The following OGFOD1 variants were observed in gnomAD, a reference collection of about 807,000 sequenced individuals.
OGFOD1 encodes the protein prolyl 3-hydroxylase OGFOD1.
Under a neutral mutation model 67.7 loss-of-function variants are expected in OGFOD1, and 54 were observed. The ratio of observed to expected loss-of-function variants is 0.80; its 90% CI spans 0.64 to 1.00. OGFOD1 has a LOEUF of 1.00. OGFOD1 is among the 50% of genes least tolerant of loss of function. OGFOD1 has a pLI of 0.00. For missense variants in OGFOD1, 606 were observed against 646.7 expected (o/e 0.94, Z 0.68); for synonymous variants, 221 against 227.0 (o/e 0.97, Z 0.24).
At chr16:56,467,100 T>A (rs750756283) in intron 6 of OGFOD1, 65 bp from the exon 7 acceptor site, 1 of 1,606,836 alleles carries the variant, frequency 6.2e-7, no homozygotes, top group Admixed American at 1.7e-5. Flanking sequence ...ACCCTGAAAT[T>A]AATGTGCATT....
intron 10 of OGFOD1, among the ~76,000 whole-genome samples, chr16:56,472,598 T>A (rs1215209246): frequency 6.6e-6 from 1 of 152,032 alleles, no homozygotes; most frequent in East Asian, 1.9e-4. Flanking sequence ...AAGATGATTT[T>A]AAAAAATAAA....
rs1212416982 is a variant in OGFOD1, at chr16:56,452,421, C to T, written c.154+655C>T. ...ACGCGCTTTGACCAAGGAAAGGCGCCTACGTTGAACGATTCCAGCCTCAGC... is the reference window on the plus strand; with the variant it reads ...ACGCGCTTTGACCAAGGAAAGGCGCTTACGTTGAACGATTCCAGCCTCAGC... On this transcript the variant is annotated intron_variant, in intron 1 of 12. Coordinates refer to ENST00000566157, the MANE Select transcript of OGFOD1 (RefSeq NM_018233.4). Among the ~76,000 whole-genome samples, 7 of 152,302 alleles carry T rather than the reference C, an allele frequency of 4.6e-5. No homozygotes were observed. The East Asian group carries it at 1.4e-3, about 29-fold the overall frequency.
At position 56,475,588 on chromosome 16, in the gene OGFOD1, C is replaced by CT. The variant is rs1463568750; in HGVS notation, c.1467+24dup. On this transcript the variant is annotated intron_variant, in intron 12 of 12. Transcript: ENST00000566157. Reference sequence around the variant, plus strand: ...GAGGTAAGTTTCTTCTGATAGCAAACTATCATTTTTAGTTATTGAGAATGC... The same window carrying CT: ...GAGGTAAGTTTCTTCTGATAGCAAACTTATCATTTTTAGTTATTGAGAATGC... 3.7e-6 allele frequency: 6 copies of CT among 1,607,254 alleles called. No homozygotes were observed. In the African/African-American group the frequency reaches 8.0e-5, roughly 21 times the overall value.
chr16:56,463,067 C>G (rs1962768672), intron 4 of OGFOD1, among the ~76,000 whole-genome samples: 1 of 152,168 alleles, frequency 6.6e-6, no homozygotes, highest in South Asian at 2.1e-4. Context: ...ATGGTGTAAA[C>G]CATGATAGCC....
chr16:56,470,554 T>C lies in OGFOD1; in HGVS notation c.1048T>C (p.Ser350Pro), dbSNP rs752306603. Residue 350 changes from serine (S) to proline (P), a missense_variant, in exon 10 of 13, where the codon TCT (serine) becomes CCT (proline). Physicochemically the swap from Ser to Pro is moderately conservative, Grantham distance 74. Transcript: ENST00000566157. Reference protein sequence around the residue: ...ILKECMKLFRSEALFLLLSNF... With the variant: ...ILKECMKLFRPEALFLLLSNF... Reference sequence around the variant, plus strand: ...GAAGGAGTGCATGAAGTTATTTCGCTCTGAGGCACTATTCTTGCTGCTCTC... The same window carrying C: ...GAAGGAGTGCATGAAGTTATTTCGCCCTGAGGCACTATTCTTGCTGCTCTC... 17 of 1,614,066 alleles carry C rather than the reference T, an allele frequency of 1.1e-5. No individual in the cohort carries two copies. The highest frequency in any genetic ancestry group is 7.6e-6 in the Non-Finnish European group (9 of 1,180,018).
intron 3 of OGFOD1, chr16:56,458,929 G>A (rs1004562164): frequency 3.4e-6 from 1 of 296,750 alleles, no homozygotes; most frequent in Non-Finnish European, 6.4e-6. Context: ...AGTGTTGACA[G>A]ATATAGATAG....
In OGFOD1 at chr16:56,476,106, G is replaced by A. The variant is rs1963462359; in HGVS notation, c.1530G>A (p.Leu510=). Residue 510 remains leucine (L), a synonymous_variant, in exon 13 of 13, where the codon CTG becomes CTA. Coordinates refer to ENST00000566157, the MANE Select transcript of OGFOD1 (RefSeq NM_018233.4). ...TGGTCTACAGAGACAGAGAGACTCTGAAATTTGTCAAGCATATTAACCACC... is the reference window on the plus strand; with the variant it reads ...TGGTCTACAGAGACAGAGAGACTCTAAAATTTGTCAAGCATATTAACCACC... ...LALVYRDRET[L]KFVKHINHRS... The A allele has an allele frequency of 1.2e-6, 2 of 1,613,944 alleles. No homozygotes were observed. The highest frequency in any genetic ancestry group is 8.5e-7 in the Non-Finnish European group (1 of 1,179,844).
rs1173152959 is a variant in OGFOD1, at chr16:56,478,743, G to T, written c.*2538G>T. 1.3e-5 allele frequency: 2 copies of T among 152,158 alleles called. No homozygotes were observed. The highest frequency in any genetic ancestry group is 4.8e-5 in the African/African-American group (2 of 41,438). 9.4% of individuals were successfully genotyped at this position (152,158 alleles called of 1,614,324 possible). A position where few individuals can be genotyped will look rare whatever the true frequency, so the allele number is the denominator to read the frequency against. ...GCTTTTTAGTGTCTCCTTTATCTCA[G>T]TGTGTTTATGATCTGTCAACACATA... On this transcript the variant is annotated 3_prime_UTR_variant, in exon 13 of 13. Coordinates refer to ENST00000566157, the MANE Select transcript of OGFOD1 (RefSeq NM_018233.4).
chr16:56,465,296 G>A (rs964536487), intron 4 of OGFOD1, among the ~76,000 whole-genome samples: 4 of 152,048 alleles, frequency 2.6e-5, no homozygotes, highest in Non-Finnish European at 4.4e-5. Flanking sequence ...CACCGTGCCC[G>A]GCCTGTATTT....
chr16:56,474,585 G>A (rs971822611), intron 10 of OGFOD1, among the ~76,000 whole-genome samples: 4 of 152,020 alleles, frequency 2.6e-5, no homozygotes, highest in African/African-American at 9.7e-5. Context: ...CTCCCAAAGT[G>A]TTGGGATTAC....
At chr16:56,460,168 C>T (rs2143988144) in intron 3 of OGFOD1, among the ~76,000 whole-genome samples, 1 of 152,314 alleles carries the variant, frequency 6.6e-6, no homozygotes, top group Non-Finnish European at 1.5e-5. Flanking sequence ...CCCCTTAGTT[C>T]ACAACACCAC....
Position 56,471,947 on chromosome 16 carries a change from C to T in OGFOD1, c.1285+1156C>T, listed in dbSNP as rs140829277. 4.5e-3 allele frequency among the ~76,000 whole-genome samples: 670 copies of T among 147,560 alleles called. 3 individuals are homozygous for T. The highest frequency in any genetic ancestry group is 6.8e-3 in the Non-Finnish European group (454 of 67,078). ...CAAAGGGATTTTTTAAAAAACTTAT[C>T]CACTTCTGTTTGTTTGTTTGTTTGT... On this transcript the variant is annotated intron_variant, in intron 10 of 12. Transcript: ENST00000566157.
chr16:56,471,986 C>T (rs758509283), intron 10 of OGFOD1, among the ~76,000 whole-genome samples: 3 of 151,114 alleles, frequency 2.0e-5, no homozygotes, highest in Non-Finnish European at 2.9e-5. Context: ...TTTTGAGACA[C>T]GGTCTTGCAC....
chr16:56,461,588 C>G (rs1445404230), intron 3 of OGFOD1, among the ~76,000 whole-genome samples: 3 of 152,304 alleles, frequency 2.0e-5, no homozygotes, highest in Admixed American at 2.0e-4. Flanking sequence ...TGGGTCACAA[C>G]TTGAACTTGT....
At chr16:56,475,064 A>G (rs1963395115) in intron 11 of OGFOD1, 114 bp downstream of exon 11, 1 of 1,056,674 alleles carries the variant, frequency 9.5e-7, no homozygotes, top group Non-Finnish European at 1.4e-6. Flanking sequence ...TCAGAATCTC[A>G]CATCATGGGA....
chr16:56,472,167 G>A (rs1230660657), intron 10 of OGFOD1, among the ~76,000 whole-genome samples: 1 of 149,750 alleles, frequency 6.7e-6, no homozygotes, highest in African/African-American at 2.5e-5. Context: ...ATGGGATCTT[G>A]CCATGTTGCC....
intron 2 of OGFOD1, among the ~76,000 whole-genome samples, chr16:56,453,866 A>G (rs1033025538): frequency 6.6e-6 from 1 of 152,226 alleles, no homozygotes; most frequent in East Asian, 1.9e-4. Context: ...CACAGTTAAT[A>G]GCAACGTGAT....
chr16:56,475,594 T>G (rs567721056), intron 12 of OGFOD1, 29 bp downstream of exon 12: 2 of 1,592,592 alleles, frequency 1.3e-6, no homozygotes, highest in Non-Finnish European at 1.7e-6. Context: ...CAAACTATCA[T>G]TTTTAGTTAT....
intron 10 of OGFOD1, among the ~76,000 whole-genome samples, chr16:56,474,603 A>G (rs1963368449): frequency 6.6e-6 from 1 of 152,096 alleles, no homozygotes; most frequent in African/African-American, 2.4e-5. Flanking sequence ...TACAGGCATG[A>G]GCCACCATGC....
Sources: gnomAD v4.1 joint callset for allele counts (sites outside exome capture counted in the v4.1 genomes callset) on GRCh38, gnomAD v4.1.1 for gene constraint, MANE v1.5 for transcripts, NCBI Gene and HGNC (gene_info 2026-07-23, HGNC 2026-07-21) for gene names.